The following PPM1L variants were observed in gnomAD, a reference collection of about 807,000 sequenced individuals.
PPM1L encodes the protein protein phosphatase 1L.
In PPM1L, 13 loss-of-function variants were observed where a neutral mutation model predicts 31.4. That is an observed-to-expected ratio of 0.41 (90% CI 0.27 to 0.66). PPM1L has a LOEUF of 0.66. Among genes scored for constraint, PPM1L ranks in the 30% least tolerant of loss-of-function variants. The probability of loss-of-function intolerance (pLI) is 0.29; values close to 1 mark genes in which losing one functional copy is unlikely to be tolerated. For missense variants in PPM1L, 326 were observed against 453.7 expected (o/e 0.72, Z 2.56); for synonymous variants, 184 against 175.4 (o/e 1.05, Z -0.39).
At chr3:160,758,100 C>T (rs947104161) in intron 1 of PPM1L, among the ~76,000 whole-genome samples, 1 of 152,200 alleles carries the variant, frequency 6.6e-6, no homozygotes, top group Non-Finnish European at 1.5e-5. Context: ...TCCATCCACT[C>T]TAGCTTTTTT....
intron 1 of PPM1L, among the ~76,000 whole-genome samples, chr3:160,778,201 T>A (rs1560104652): frequency 7.9e-6 from 1 of 126,334 alleles, no homozygotes; most frequent in Non-Finnish European, 1.6e-5. Flanking sequence ...GAAATATTAT[T>A]TAAGTTTTTT....
At chr3:160,878,268 ATAG>A (rs574956875) in intron 1 of PPM1L, among the ~76,000 whole-genome samples, 147 of 152,308 alleles carry the variant, frequency 9.7e-4, no homozygotes, top group African/African-American at 3.5e-3. Context: ...AAGGCATGGA[ATAG>A]TAGTTCAGGG....
intron 1 of PPM1L, among the ~76,000 whole-genome samples, chr3:160,811,185 G>C (rs985655853): frequency 1.3e-5 from 2 of 152,226 alleles, no homozygotes; most frequent in African/African-American, 4.8e-5. Context: ...CTAATGAAGG[G>C]GTCTAAGTAC....
At chr3:160,967,355 G>C (rs531131321) in intron 2 of PPM1L, among the ~76,000 whole-genome samples, 126 of 152,038 alleles carry the variant, frequency 8.3e-4, no homozygotes, top group African/African-American at 3.0e-3. Flanking sequence ...CCATAGACTG[G>C]GTGGCTGATA....
intron 2 of PPM1L, among the ~76,000 whole-genome samples, chr3:161,061,902 T>G (rs184365475): frequency 6.6e-6 from 1 of 152,210 alleles, no homozygotes; most frequent in East Asian, 1.9e-4. Context: ...AAGAAAGGCA[T>G]TTATTGTCTC....
intron 2 of PPM1L, among the ~76,000 whole-genome samples, chr3:161,050,384 T>C (rs556648772): frequency 1.6e-4 from 24 of 152,272 alleles, no homozygotes; most frequent in African/African-American, 5.5e-4. Context: ...GCTCTGAATT[T>C]GGTAAAAGTG....
At chr3:160,928,790 T>C (rs191905619) in intron 1 of PPM1L, among the ~76,000 whole-genome samples, 1 of 152,288 alleles carries the variant, frequency 6.6e-6, no homozygotes, top group African/African-American at 2.4e-5. Flanking sequence ...TGGTGCCATC[T>C]ATGAGAACAG....
chr3:160,903,662 C>G (rs1039070322), intron 1 of PPM1L, among the ~76,000 whole-genome samples: 3 of 151,412 alleles, frequency 2.0e-5, no homozygotes, highest in African/African-American at 7.3e-5. Flanking sequence ...TATTTTATTC[C>G]ATAAACATCT....
intron 1 of PPM1L, among the ~76,000 whole-genome samples, chr3:160,858,516 G>T (rs1246560569): frequency 6.6e-6 from 1 of 152,134 alleles, no homozygotes; most frequent in Non-Finnish European, 1.5e-5. Context: ...CAAAGCAAAA[G>T]TTATTCACTT....
intron 2 of PPM1L, among the ~76,000 whole-genome samples, chr3:161,007,795 G>A (rs1211572207): frequency 6.6e-6 from 1 of 152,124 alleles, no homozygotes; most frequent in Non-Finnish European, 1.5e-5. Context: ...CAAGATGAGA[G>A]CCATTGGGGA....
At position 160,803,978 on chromosome 3, in the gene PPM1L, C is replaced by T. The variant is rs536184692; in HGVS notation, c.399+47271C>T. Among the ~76,000 whole-genome samples, 22 of 152,308 alleles carry T rather than the reference C, an allele frequency of 1.4e-4. No homozygotes were observed. In the East Asian group the frequency reaches 3.9e-3, roughly 27 times the overall value. ...TGTCGCCCAGGATGGAGTACAGTGGCGCAATCTCCGCTCACTGCAAGCTGC... is the reference window on the plus strand; with the variant it reads ...TGTCGCCCAGGATGGAGTACAGTGGTGCAATCTCCGCTCACTGCAAGCTGC... On this transcript the variant is annotated intron_variant, in intron 1 of 3. Coordinates refer to ENST00000498165, the MANE Select transcript of PPM1L (RefSeq NM_139245.4).
chr3:160,945,221 G>A (rs1010375177), intron 1 of PPM1L, among the ~76,000 whole-genome samples: 3 of 151,052 alleles, frequency 2.0e-5, no homozygotes, highest in Non-Finnish European at 4.4e-5. Context: ...TCTGTAAAGA[G>A]CCATGTGGTA....
At chr3:161,004,729 C>T (rs1717642165) in intron 2 of PPM1L, among the ~76,000 whole-genome samples, 1 of 149,184 alleles carries the variant, frequency 6.7e-6, no homozygotes, top group Admixed American at 6.7e-5. Flanking sequence ...ATTCTTCTCT[C>T]TTTTTTTCTT....
intron 2 of PPM1L, among the ~76,000 whole-genome samples, chr3:161,030,672 C>T (rs1718538254): frequency 6.6e-6 from 1 of 152,006 alleles, no homozygotes; most frequent in African/African-American, 2.4e-5. Flanking sequence ...CTAGATGGGC[C>T]CAGGCTCCCA....
chr3:160,840,994 C>T (rs1713862044), intron 1 of PPM1L, among the ~76,000 whole-genome samples: 1 of 152,102 alleles, frequency 6.6e-6, no homozygotes, highest in Admixed American at 6.6e-5. Flanking sequence ...TAATACTTTG[C>T]CAGCTCTCTG....
chr3:160,779,640 C>T (rs775213579), intron 1 of PPM1L, among the ~76,000 whole-genome samples: 4 of 151,908 alleles, frequency 2.6e-5, no homozygotes, highest in Non-Finnish European at 4.4e-5. Context: ...CTCCTGCCTC[C>T]GCCTCCCTAG....
chr3:160,826,613 T>TA (rs1243797152), intron 1 of PPM1L, among the ~76,000 whole-genome samples: 3 of 152,190 alleles, frequency 2.0e-5, no homozygotes, highest in African/African-American at 4.8e-5. Flanking sequence ...TTTTTTAAGG[T>TA]AATGTGATTT....
chr3:160,847,504 G>C (rs1714117997), intron 1 of PPM1L, among the ~76,000 whole-genome samples: 1 of 152,136 alleles, frequency 6.6e-6, no homozygotes, highest in Admixed American at 6.5e-5. Context: ...TAAATGTTGT[G>C]CTCAATTGTG....
chr3:160,856,319 C>G (rs1711702385), intron 1 of PPM1L, among the ~76,000 whole-genome samples: 1 of 152,052 alleles, frequency 6.6e-6, no homozygotes, highest in South Asian at 2.1e-4. Flanking sequence ...ATTGGTAAAC[C>G]CAAAGGAATA....
Sources: allele counts gnomAD v4.1 joint callset (sites outside exome capture counted in the v4.1 genomes callset), GRCh38; gene constraint gnomAD v4.1.1; transcripts MANE v1.5; gene names NCBI Gene and HGNC (gene_info 2026-07-23, HGNC 2026-07-21).